Variants in MIDN observed in about 807,000 individuals in gnomAD.
MIDN encodes midbrain nucleolar protein.
MIDN carries 26 observed loss-of-function variants against 46.1 expected under a neutral mutation model. The observed-to-expected ratio is 0.56, with a 90% CI of 0.41 to 0.78. The LOEUF (loss-of-function observed/expected upper bound fraction) is 0.78. Among genes scored for constraint, MIDN ranks in the 30% least tolerant of loss-of-function variants. The pLI, the probability that MIDN is intolerant of heterozygous loss-of-function variation, is 0.00. For synonymous variants in MIDN, 432 were observed against 343.3 expected (o/e 1.26, Z -2.86); for missense variants, 850 against 771.8 (o/e 1.10, Z -1.20).
chr19:1,253,722 C>T (rs2081162390), intron 4 of MIDN: 1 of 234,744 alleles, frequency 4.3e-6, no homozygotes, highest in South Asian at 4.9e-5. Context: ...CACCCACTTG[C>T]TGGCCCTGGT....
chr19:1,250,070 C>G lies in MIDN; in HGVS notation c.-227C>G, dbSNP rs1461217277. On this transcript the variant is annotated 5_prime_UTR_variant, in exon 2 of 9. Coordinates refer to ENST00000682408, the MANE Select transcript of MIDN (RefSeq NM_001388306.1). ...GAAGGAGAAGCAAGTGCCGTCCCCA[C>G]CCCCGGAAGGCGCCCCCAGGAGCCG... 1 of 151,950 alleles carries G rather than the reference C, an allele frequency of 6.6e-6. No individual in the cohort carries two copies. Among genetic ancestry groups the G allele is most frequent in the Non-Finnish European group, 1.5e-5 (1 of 68,134 alleles). 9.4% of individuals were successfully genotyped at this position (151,950 alleles called of 1,614,324 possible).
chr19:1,255,033 C>G lies in MIDN; in HGVS notation c.957C>G (p.Ala319=), dbSNP rs2081181209. 1 of 1,613,168 alleles carries G rather than the reference C, an allele frequency of 6.2e-7. No homozygotes were observed. The highest frequency in any genetic ancestry group is 8.5e-7 in the Non-Finnish European group (1 of 1,179,762). ...TCATCGAGAGCTTTGTGAATCACGC[C>G]CCGGGGGTCTTCTCAGGGACCTTCT... ...GAVIESFVNH[A]PGVFSGTFSG... is the part of the protein sequence containing the mutation. The change falls in exon 7 of 9, where the codon GCC becomes GCG. Residue 319 remains alanine (A), a synonymous_variant. Transcript: ENST00000682408.
intron 2 of MIDN, chr19:1,251,306 G>C: frequency 2.0e-6 from 1 of 511,214 alleles, no homozygotes; most frequent in Non-Finnish European, 3.4e-6. Context: ...CCTGGTTGGG[G>C]TGCAGAGGGG....
intron 2 of MIDN, 37 bp downstream of exon 2, chr19:1,250,566 G>A (rs1233531043): frequency 1.8e-6 from 2 of 1,094,416 alleles, no homozygotes; most frequent in Non-Finnish European, 2.3e-6. Context: ...CGCCCCCTCG[G>A]GCCCCGGCCC....
chr19:1,254,141 C>G (rs1373595126), intron 5 of MIDN, 26 bp from the exon 6 acceptor site: 3 of 1,581,378 alleles, frequency 1.9e-6, no homozygotes, highest in Non-Finnish European at 2.6e-6. Flanking sequence ...CTGGGGCTCC[C>G]AGCTGACGGA....
At position 1,249,871 on chromosome 19, in the gene MIDN, T is replaced by A. The variant is rs2081101730; in HGVS notation, c.-407-19T>A. The A allele has an allele frequency of 6.6e-6, 1 of 151,976 alleles. No individual in the cohort carries two copies. The highest frequency in any genetic ancestry group is 2.0e-4 in the East Asian group (1 of 5,122). The allele number at this position is 151,976 out of a possible 1,614,324, so 9.4% of individuals were successfully genotyped here. On this transcript the variant is annotated intron_variant, in intron 1 of 8. Transcript: ENST00000682408. Reference sequence around the variant, plus strand: ...GTTGATACATTATAACTTTTTTTTCTTGTTACTTTCACCCCCAGATCCTCC... The same window carrying A: ...GTTGATACATTATAACTTTTTTTTCATGTTACTTTCACCCCCAGATCCTCC...
intron 1 of MIDN, 150 bp from the exon 2 acceptor site, chr19:1,249,740 C>T (rs374426318): frequency 6.7e-6 from 1 of 150,142 alleles, no homozygotes; most frequent in Admixed American, 6.6e-5. Flanking sequence ...CTCTCATAGG[C>T]CCGGGCTCGC....
chr19:1,254,362 C>T lies in MIDN; in HGVS notation c.709C>T (p.Pro237Ser), dbSNP rs1451199531. The change falls in exon 6 of 9, where the codon CCG becomes TCG. Residue 237 changes from proline to serine, a missense_variant. Coordinates refer to ENST00000682408, the MANE Select transcript of MIDN (RefSeq NM_001388306.1). ...CTCCCCCGTGTCCTCGCCCTGCCGG[C>T]CGGTGTCCAGTGCCGCCCGAGTCCC... ...IASPVSSPCRPVSSAARVPPV... is the reference protein window; with the variant it reads ...IASPVSSPCRSVSSAARVPPV... 1 of 1,562,210 alleles carries T rather than the reference C, an allele frequency of 6.4e-7. No individual in the cohort carries two copies.
Position 1,250,125 on chromosome 19 carries a change from G to A in MIDN, c.-172G>A. On this transcript the variant is annotated 5_prime_UTR_variant, in exon 2 of 9. Transcript: ENST00000682408. ...GACCTCGGAGCGCCACTCGGATTTT[G>A]GATTTCGGTCTCGCATTCCGCGGCC... is the stretch of plus-strand genomic sequence containing the variant. 6.1e-6 allele frequency: 1 copy of A among 163,024 alleles called. No individual in the cohort carries two copies. The allele number at this position is 163,024 out of a possible 1,614,324, so 10.1% of individuals were successfully genotyped here. A position where few individuals can be genotyped will look rare whatever the true frequency, so the allele number is the denominator to read the frequency against.
intron 7 of MIDN, 134 bp downstream of exon 7, chr19:1,255,195 C>A (rs1053563642): frequency 3.7e-5 from 44 of 1,202,676 alleles, no homozygotes; most frequent in Non-Finnish European, 4.9e-5. Context: ...CTTCACATGT[C>A]CCCCAGGAAT....
rs2081107732 is a variant in MIDN, at chr19:1,250,276, G to GC, written c.-15dup. On this transcript the variant is annotated 5_prime_UTR_variant, in exon 2 of 9. Transcript: ENST00000682408. ...GGATTGGCGGCGCCCGCCGCCCCCA[G>GC]CCCCCCAGCGCGCGCCGGGGATGGA... is the stretch of plus-strand genomic sequence containing the variant. 1.1e-6 allele frequency: 1 copy of GC among 938,600 alleles called. No homozygotes were observed. Among genetic ancestry groups the GC allele is most frequent in the Non-Finnish European group, 1.3e-6 (1 of 788,152 alleles). The allele number at this position is 938,600 out of a possible 1,614,324, so 58.1% of individuals were successfully genotyped here. A position where few individuals can be genotyped will look rare whatever the true frequency, so the allele number is the denominator to read the frequency against.
intron 4 of MIDN, among the ~76,000 whole-genome samples, chr19:1,253,258 T>G (rs2081155295): frequency 6.7e-6 from 1 of 149,874 alleles, no homozygotes; most frequent in African/African-American, 2.5e-5. Flanking sequence ...GGCCGCAGGG[T>G]GGGGGCTTCA....
chr19:1,255,128 C>G, intron 7 of MIDN, 67 bp downstream of exon 7: 1 of 1,537,764 alleles, frequency 6.5e-7, no homozygotes, highest in South Asian at 1.2e-5. Context: ...GGGTCTACAT[C>G]CACCCACAGG....
At chr19:1,253,044 T>TGGGGGGGGGGG (rs111898804) in intron 4 of MIDN, among the ~76,000 whole-genome samples, 3 of 131,768 alleles carry the variant, frequency 2.3e-5, no homozygotes, top group South Asian at 4.9e-4. Flanking sequence ...TGGGGGGGGC[T>TGGGGGGGGGGG]GGAGGGGGTG....
At position 1,251,864 on chromosome 19, in the gene MIDN, C is replaced by G; in HGVS notation, c.347C>G (p.Ser116Cys). Residue 116 changes from serine to cysteine, a missense_variant, in exon 4 of 9, where the codon TCC becomes TGC. Transcript: ENST00000682408. ...LMSQASRPEQ[S>C]VMQALESLTE... ...TCTCAGGCCTCAAGGCCGGAACAGTCCGTGATGCAAGCTCTCGAGAGTCTC... is the reference window on the plus strand; with the variant it reads ...TCTCAGGCCTCAAGGCCGGAACAGTGCGTGATGCAAGCTCTCGAGAGTCTC... The G allele has an allele frequency of 6.2e-7, 1 of 1,613,574 alleles. No homozygotes were observed. The highest frequency in any genetic ancestry group is 1.1e-5 in the South Asian group (1 of 91,080).
chr19:1,251,872 C>G lies in MIDN; in HGVS notation c.355C>G (p.Gln119Glu). The part of the protein sequence containing the change: ...QASRPEQSVM[Q>E]ALESLTETQP... Reference sequence around the variant, plus strand: ...CTCAAGGCCGGAACAGTCCGTGATGCAAGCTCTCGAGAGTCTCACGGAGAC... The same window carrying G: ...CTCAAGGCCGGAACAGTCCGTGATGGAAGCTCTCGAGAGTCTCACGGAGAC... The change falls in exon 4 of 9, where the codon CAA (glutamine) becomes GAA (glutamate). Residue 119 changes from glutamine to glutamate, a missense_variant. Physicochemically the swap from Gln to Glu is conservative, Grantham distance 29. Transcript: ENST00000682408. The G allele has an allele frequency of 6.2e-7, 1 of 1,613,510 alleles. No individual in the cohort carries two copies.
At chr19:1,250,770 C>T (rs2081116159) in intron 2 of MIDN, among the ~76,000 whole-genome samples, 1 of 151,710 alleles carries the variant, frequency 6.6e-6, no homozygotes, top group Non-Finnish European at 1.5e-5. Flanking sequence ...CCCTTGGGGG[C>T]GGGCAGGAAT....
At chr19:1,253,687 G>A (rs1311669899) in intron 4 of MIDN, 1 of 223,268 alleles carries the variant, frequency 4.5e-6, no homozygotes, top group East Asian at 1.8e-4. Flanking sequence ...CAAAGGTTAG[G>A]ACAGAAGAAT....
At position 1,255,588 on chromosome 19, in the gene MIDN, G is replaced by A. The variant is rs139011058; in HGVS notation, c.1152G>A (p.Pro384=). The A allele has an allele frequency of 8.3e-4, 1,332 of 1,610,760 alleles. 3 individuals carry two copies. The East Asian group carries it at 0.011, about 14-fold the overall frequency. The change falls in exon 8 of 9, where the codon CCG becomes CCA. Residue 384 remains proline (P), a synonymous_variant. Coordinates refer to ENST00000682408, the MANE Select transcript of MIDN (RefSeq NM_001388306.1). ...RCHAQCSPAS[P]APDLAPRTTS... ...ACGCCCAGTGCTCCCCGGCCTCACC[G>A]GCCCCCGACCTGGCCCCCAGAACTA... is the stretch of plus-strand genomic sequence containing the variant.
Sources: allele counts gnomAD v4.1 joint callset (sites outside exome capture counted in the v4.1 genomes callset), GRCh38; gene constraint gnomAD v4.1.1; transcripts MANE v1.5; gene names NCBI Gene and HGNC (gene_info 2026-07-23, HGNC 2026-07-21).